The following NIPA1 variants were observed in gnomAD, a reference collection of about 807,000 sequenced individuals.
The protein encoded by NIPA1 is NIPA magnesium transporter 1, also known as magnesium transporter NIPA1.
In NIPA1, 13 loss-of-function variants were observed where a neutral mutation model predicts 23.9. The observed-to-expected ratio is 0.54, with a 90% CI of 0.35 to 0.87. NIPA1 has a LOEUF of 0.87. NIPA1 is among the 40% of genes least tolerant of loss of function. The pLI is 0.01. For missense variants in NIPA1, 362 were observed against 429.7 expected (o/e 0.84, Z 1.39); for synonymous variants, 234 against 202.9 (o/e 1.15, Z -1.30).
chr15:22,810,257 G>A (rs1348367012), intron 1 of NIPA1, among the ~76,000 whole-genome samples: 4 of 152,262 alleles, frequency 2.6e-5, no homozygotes, highest in Admixed American at 2.6e-4. Context: ...GTGAGTGTAA[G>A]GATGTGGTTC....
At chr15:22,794,010 G>A (rs1894889788) in intron 1 of NIPA1, among the ~76,000 whole-genome samples, 1 of 152,030 alleles carries the variant, frequency 6.6e-6, no homozygotes, top group South Asian at 2.1e-4. Flanking sequence ...GTTGCCTTCA[G>A]CATTGTTCTT....
chr15:22,792,516 A>G (rs1020705135), intron 1 of NIPA1, among the ~76,000 whole-genome samples: 3 of 151,702 alleles, frequency 2.0e-5, no homozygotes, highest in African/African-American at 7.3e-5. Flanking sequence ...CCGCCACCAC[A>G]CCCGGCTAAT....
chr15:22,795,939 A>AT lies in NIPA1; in HGVS notation c.178+9115dup, dbSNP rs199614340. ...AGATAAATCCACCTACAGATAAGGC[A>AT]TTTTTTTTTTAAGACAGGGTCTTTT... On this transcript the variant is annotated intron_variant, in intron 1 of 4. Coordinates refer to ENST00000337435, the MANE Select transcript of NIPA1 (RefSeq NM_144599.5). Among the ~76,000 whole-genome samples the AT allele has an allele frequency of 3.0e-3, 447 of 148,926 alleles. 2 individuals are homozygous for AT. Among genetic ancestry groups the AT allele is most frequent in the African/African-American group, 8.2e-3 (332 of 40,664 alleles).
At chr15:22,799,967 A>T (rs1364764155) in intron 1 of NIPA1, among the ~76,000 whole-genome samples, 2 of 123,816 alleles carry the variant, frequency 1.6e-5, no homozygotes, top group African/African-American at 5.7e-5. Flanking sequence ...AAAAAAAAAA[A>T]AAAAGGGAAA....
intron 1 of NIPA1, among the ~76,000 whole-genome samples, chr15:22,805,657 G>C (rs1368860647): frequency 6.6e-6 from 1 of 152,148 alleles, no homozygotes. Context: ...GTGCACTCCA[G>C]CCTGGGCAAG....
intron 4 of NIPA1, 147 bp downstream of exon 4, chr15:22,820,620 G>A (rs911225332): frequency 1.3e-6 from 1 of 768,032 alleles, no homozygotes; most frequent in African/African-American, 1.7e-5. Flanking sequence ...TGTTCTCTGG[G>A]AACGTGCATC....
Position 22,814,940 on chromosome 15 carries a change from C to T in NIPA1, c.317+2687C>T, listed in dbSNP as rs187463115. The stretch of plus-strand genomic sequence containing the variant: ...TCTTTGTTGAGGGAGCCATTCTGTG[C>T]ATTGTGAGGTGTTTAGCAGCATCCT... On this transcript the variant is annotated intron_variant, in intron 3 of 4. Transcript: ENST00000337435. 1.7e-3 allele frequency among the ~76,000 whole-genome samples: 260 copies of T among 152,250 alleles called. 2 individuals are homozygous for T. Among genetic ancestry groups the T allele is most frequent in the African/African-American group, 6.1e-3 (255 of 41,554 alleles).
At chr15:22,817,162 A>C (rs1319274769) in intron 3 of NIPA1, among the ~76,000 whole-genome samples, 1 of 125,722 alleles carries the variant, frequency 8.0e-6, no homozygotes, top group African/African-American at 3.0e-5. Flanking sequence ...ACTCCAGCCC[A>C]GGCAACAGAG....
At chr15:22,791,796 A>C (rs1894833584) in intron 1 of NIPA1, among the ~76,000 whole-genome samples, 1 of 152,136 alleles carries the variant, frequency 6.6e-6, no homozygotes, top group Non-Finnish European at 1.5e-5. Context: ...CTTCCCAGAG[A>C]ATCAGCCAGA....
chr15:22,819,579 ACCC>A (rs1895494511), intron 3 of NIPA1, among the ~76,000 whole-genome samples: 2 of 152,118 alleles, frequency 1.3e-5, no homozygotes, highest in Non-Finnish European at 2.9e-5. Flanking sequence ...GGAAATAGCC[ACCC>A]CATACTACTT....
intron 1 of NIPA1, among the ~76,000 whole-genome samples, chr15:22,806,698 A>G (rs1360707731): frequency 2.0e-5 from 3 of 152,152 alleles, no homozygotes; most frequent in African/African-American, 7.2e-5. Flanking sequence ...CTTAGGGTGA[A>G]ACTGTGAAGA....
At chr15:22,799,143 C>T (rs1378755098) in intron 1 of NIPA1, among the ~76,000 whole-genome samples, 1 of 152,118 alleles carries the variant, frequency 6.6e-6, no homozygotes, top group African/African-American at 2.4e-5. Context: ...TTTACTGTGG[C>T]ACTACTTACA....
chr15:22,793,124 C>T (rs1486727322), intron 1 of NIPA1, among the ~76,000 whole-genome samples: 4 of 151,050 alleles, frequency 2.6e-5, no homozygotes, highest in Admixed American at 2.6e-4. Flanking sequence ...CCAAGGTGGG[C>T]AGATCACCTG....
intron 1 of NIPA1, among the ~76,000 whole-genome samples, chr15:22,804,258 G>A (rs1895153567): frequency 6.6e-6 from 1 of 152,016 alleles, no homozygotes; most frequent in African/African-American, 2.4e-5. Flanking sequence ...GATTACAGGT[G>A]TGAGCCACCG....
rs1895639861 is a variant in NIPA1 at position 22,825,839 on chromosome 15, T to G, written c.*1600T>G. 1 of 152,656 alleles carries G rather than the reference T, an allele frequency of 6.6e-6. No individual in the cohort carries two copies. The highest frequency in any genetic ancestry group is 2.4e-5 in the African/African-American group (1 of 41,446). The allele number at this position is 152,656 out of a possible 1,614,324, so 9.5% of individuals were successfully genotyped here. On this transcript the variant is annotated 3_prime_UTR_variant, in exon 5 of 5. Coordinates refer to ENST00000337435, the MANE Select transcript of NIPA1 (RefSeq NM_144599.5). ...GTCTTAAATGCAAAAGAGCCATTAATTATGCCAGTATTTGAATCAAAGAGG... is the reference window on the plus strand; with the variant it reads ...GTCTTAAATGCAAAAGAGCCATTAAGTATGCCAGTATTTGAATCAAAGAGG...
rs1246028777 is a variant in NIPA1 at position 22,829,638 on chromosome 15, G to A, written c.*5399G>A. ...CCAATTAGCATACATAGACACATGT[G>A]TCAGTGGCCAAGACCTGCTTATATT... On this transcript the variant is annotated 3_prime_UTR_variant, in exon 5 of 5. Coordinates refer to ENST00000337435, the MANE Select transcript of NIPA1 (RefSeq NM_144599.5). 6.6e-6 allele frequency: 1 copy of A among 152,172 alleles called. No homozygotes were observed. Among genetic ancestry groups the A allele is most frequent in the Non-Finnish European group, 1.5e-5 (1 of 68,038 alleles). 9.4% of individuals were successfully genotyped at this position (152,172 alleles called of 1,614,324 possible). A position where few individuals can be genotyped will look rare whatever the true frequency, so the allele number is the denominator to read the frequency against.
At chr15:22,817,371 T>G (rs1374347501) in intron 3 of NIPA1, among the ~76,000 whole-genome samples, 1 of 149,984 alleles carries the variant, frequency 6.7e-6, no homozygotes, top group Non-Finnish European at 1.5e-5. Context: ...TGGTGGCGCA[T>G]GCCTGTAATC....
At position 22,828,732 on chromosome 15, in the gene NIPA1, G is replaced by A. The variant is rs970599301; in HGVS notation, c.*4493G>A. 1 of 152,582 alleles carries A rather than the reference G, an allele frequency of 6.6e-6. No individual in the cohort carries two copies. Among genetic ancestry groups the A allele is most frequent in the Admixed American group, 6.6e-5 (1 of 15,262 alleles). 9.5% of individuals were successfully genotyped at this position (152,582 alleles called of 1,614,324 possible). A position where few individuals can be genotyped will look rare whatever the true frequency, so the allele number is the denominator to read the frequency against. ...GCAGAATCCAGGGCCCAGAGCATGA[G>A]CCAGGGAGGAGGATGTTTTTCTTCT... On this transcript the variant is annotated 3_prime_UTR_variant, in exon 5 of 5. Coordinates refer to ENST00000337435, the MANE Select transcript of NIPA1 (RefSeq NM_144599.5).
Position 22,786,842 on chromosome 15 carries a change from GGGCGGCA to G in NIPA1, c.178+22_178+28del, listed in dbSNP as rs753298688. The G allele has an allele frequency of 2.8e-4, 328 of 1,189,440 alleles. 1 individual carries two copies. Among genetic ancestry groups the G allele is most frequent in the African/African-American group, 8.0e-4 (50 of 62,390 alleles). 73.7% of individuals were successfully genotyped at this position (1,189,440 alleles called of 1,614,324 possible). ...TGCGTGCCAAGCGGCGAGGTAGGGC[GGGCGGCA>G]GGCGGCAGGCGGCGGGCGGGTGGGG... On this transcript the variant is annotated intron_variant, in intron 1 of 4. Coordinates refer to ENST00000337435, the MANE Select transcript of NIPA1 (RefSeq NM_144599.5).
Sources: gnomAD v4.1 joint callset for allele counts (sites outside exome capture counted in the v4.1 genomes callset) on GRCh38, gnomAD v4.1.1 for gene constraint, MANE v1.5 for transcripts, NCBI Gene and HGNC (gene_info 2026-07-23, HGNC 2026-07-21) for gene names.